Variants in GPR158 observed in about 807,000 individuals in gnomAD.
GPR158 encodes G protein-coupled receptor 158, also known as metabotropic glycine receptor.
GPR158 carries 30 observed loss-of-function variants against 78.2 expected under a neutral mutation model. The observed-to-expected ratio is 0.38, with a 90% CI of 0.29 to 0.52. The LOEUF is 0.52. Among genes scored for constraint, GPR158 ranks in the 20% least tolerant of loss-of-function variants. The pLI is 0.83. For missense variants in GPR158, 1,463 were observed against 1,523.5 expected (o/e 0.96, Z 0.66); for synonymous variants, 581 against 591.1 (o/e 0.98, Z 0.25).
intron 5 of GPR158, among the ~76,000 whole-genome samples, chr10:25,467,801 A>C (rs948703488): frequency 6.6e-6 from 1 of 152,164 alleles, no homozygotes; most frequent in Non-Finnish European, 1.5e-5. Flanking sequence ...CAGCTCTAAC[A>C]GTTCTGCATT....
At chr10:25,416,025 T>A (rs1834654171) in intron 4 of GPR158, among the ~76,000 whole-genome samples, 1 of 152,132 alleles carries the variant, frequency 6.6e-6, no homozygotes, top group Non-Finnish European at 1.5e-5. Context: ...AATAAATCTA[T>A]TACAAATTTT....
At chr10:25,336,117 G>C (rs933501127) in intron 2 of GPR158, among the ~76,000 whole-genome samples, 8 of 152,038 alleles carry the variant, frequency 5.3e-5, no homozygotes, top group Non-Finnish European at 1.0e-4. Context: ...TGATGGAGCT[G>C]TATGTGTATT....
chr10:25,330,459 A>T (rs946643596), intron 2 of GPR158, among the ~76,000 whole-genome samples: 9 of 152,184 alleles, frequency 5.9e-5, no homozygotes, highest in Non-Finnish European at 1.2e-4. Flanking sequence ...TAGTTTATTA[A>T]GTAGTGTTAT....
chr10:25,325,636 G>T (rs1855019494), intron 2 of GPR158, among the ~76,000 whole-genome samples: 2 of 152,154 alleles, frequency 1.3e-5, no homozygotes, highest in African/African-American at 2.4e-5. Flanking sequence ...CCAGAAGTGA[G>T]ATTACTGGAT....
intron 5 of GPR158, among the ~76,000 whole-genome samples, chr10:25,481,959 A>G (rs976315201): frequency 3.3e-5 from 5 of 152,192 alleles, no homozygotes; most frequent in African/African-American, 1.2e-4. Context: ...AGGCTACGCC[A>G]TCATTTTGAA....
At chr10:25,271,530 T>G (rs370962861) in intron 2 of GPR158, among the ~76,000 whole-genome samples, 1 of 152,202 alleles carries the variant, frequency 6.6e-6, no homozygotes, top group Admixed American at 6.5e-5. Context: ...GAAGTGGTGA[T>G]GGACATACTC....
chr10:25,484,592 T>G (rs1288138447), intron 5 of GPR158, among the ~76,000 whole-genome samples: 2 of 152,178 alleles, frequency 1.3e-5, no homozygotes, highest in Admixed American at 6.5e-5. Context: ...TGAGACAGTT[T>G]GAGTCGAAAG....
intron 4 of GPR158, among the ~76,000 whole-genome samples, chr10:25,428,455 G>A (rs1253318643): frequency 6.6e-6 from 1 of 151,968 alleles, no homozygotes; most frequent in Admixed American, 6.6e-5. Context: ...ACATATTTTG[G>A]ACATAAGTGT....
chr10:25,283,325 G>T (rs1165104745), intron 2 of GPR158, among the ~76,000 whole-genome samples: 1 of 151,846 alleles, frequency 6.6e-6, no homozygotes, highest in African/African-American at 2.4e-5. Flanking sequence ...ATGTTTGTAG[G>T]GTTTTTAGTA....
chr10:25,211,902 A>G (rs1017730776), intron 1 of GPR158, among the ~76,000 whole-genome samples: 4 of 151,958 alleles, frequency 2.6e-5, no homozygotes, highest in African/African-American at 4.8e-5. Context: ...TGAGCTCTCT[A>G]TTTTGTTCCA....
chr10:25,315,809 CT>C (rs776389342), intron 2 of GPR158, among the ~76,000 whole-genome samples: 1 of 151,796 alleles, frequency 6.6e-6, no homozygotes, highest in Non-Finnish European at 1.5e-5. Context: ...GTTAAAACAC[CT>C]TTTGAAATGC....
At chr10:25,365,652 T>G (rs1392630359) in intron 2 of GPR158, among the ~76,000 whole-genome samples, 1 of 151,646 alleles carries the variant, frequency 6.6e-6, no homozygotes, top group Non-Finnish European at 1.5e-5. Flanking sequence ...ATCAAATAAG[T>G]CATAATAAAA....
At chr10:25,491,151 T>A (rs2130647426) in intron 5 of GPR158, among the ~76,000 whole-genome samples, 1 of 152,294 alleles carries the variant, frequency 6.6e-6, no homozygotes, top group Non-Finnish European at 1.5e-5. Context: ...GTATCAAAAA[T>A]TATCACATCA....
chr10:25,559,041 T>C (rs1159414849), intron 6 of GPR158, among the ~76,000 whole-genome samples: 1 of 152,216 alleles, frequency 6.6e-6, no homozygotes, highest in Non-Finnish European at 1.5e-5. Flanking sequence ...GTTCCATCAG[T>C]TATTGAGAGA....
chr10:25,383,485 G>A (rs1223584157), intron 2 of GPR158, among the ~76,000 whole-genome samples: 1 of 152,094 alleles, frequency 6.6e-6, no homozygotes, highest in Non-Finnish European at 1.5e-5. Context: ...CACAAGGGGG[G>A]TTTCGTTTTC....
chr10:25,466,418 A>G (rs1006033659), intron 4 of GPR158: 1 of 401,702 alleles, frequency 2.5e-6, no homozygotes, highest in Non-Finnish European at 4.4e-6. Flanking sequence ...ATTTTAGAGA[A>G]CAAAATCTCA....
At chr10:25,211,200 G>T (rs1430278599) in intron 1 of GPR158, among the ~76,000 whole-genome samples, 1 of 151,414 alleles carries the variant, frequency 6.6e-6, no homozygotes, top group Non-Finnish European at 1.5e-5. Context: ...TCAAAATTTT[G>T]CCTTGTGTTT....
intron 2 of GPR158, among the ~76,000 whole-genome samples, chr10:25,368,962 C>T (rs1036500848): frequency 3.0e-4 from 15 of 50,594 alleles, no homozygotes; most frequent in Non-Finnish European, 3.9e-4. Context: ...CATGATTTGG[C>T]TCTCTGTTTG....
At chr10:25,229,957 A>C (rs1853426751) in intron 2 of GPR158, among the ~76,000 whole-genome samples, 1 of 152,206 alleles carries the variant, frequency 6.6e-6, no homozygotes, top group African/African-American at 2.4e-5. Context: ...TATATTAGGA[A>C]GTGATTGAAT....
Sources: gnomAD v4.1 joint callset for allele counts (sites outside exome capture counted in the v4.1 genomes callset) on GRCh38, gnomAD v4.1.1 for gene constraint, MANE v1.5 for transcripts, NCBI Gene and HGNC (gene_info 2026-07-23, HGNC 2026-07-21) for gene names.